SYT1: variants seen among roughly 807,000 people sequenced by gnomAD.
The protein encoded by SYT1 is synaptotagmin 1, also known as synaptotagmin-1.
A neutral mutation model predicts 44.8 loss-of-function variants in SYT1; 8 were observed. The ratio of observed to expected loss-of-function variants is 0.18; its 90% CI spans 0.10 to 0.32. The LOEUF (loss-of-function observed/expected upper bound fraction) is 0.32. SYT1 is among the 10% of genes least tolerant of loss of function. The pLI is 1.00. For missense variants in SYT1, 286 were observed against 509.3 expected (o/e 0.56, Z 4.22); for synonymous variants, 154 against 188.8 (o/e 0.82, Z 1.51).
chr12:79,271,532 A>G (rs1195515353), intron 4 of SYT1, among the ~76,000 whole-genome samples: 2 of 152,182 alleles, frequency 1.3e-5, no homozygotes, highest in Non-Finnish European at 2.9e-5. Flanking sequence ...CTGAGATTTT[A>G]ACACCTGGGA....
intron 8 of SYT1, among the ~76,000 whole-genome samples, chr12:79,311,503 C>T (rs1171757437): frequency 1.0e-4 from 15 of 143,362 alleles, no homozygotes; most frequent in Non-Finnish European, 1.2e-4. Flanking sequence ...TTTGACCCAG[C>T]CATCCCATTA....
At chr12:78,913,005 C>T (rs779758543) in intron 1 of SYT1, among the ~76,000 whole-genome samples, 6 of 151,698 alleles carry the variant, frequency 4.0e-5, no homozygotes, top group Non-Finnish European at 7.4e-5. Context: ...TTAATATATT[C>T]ACTTCTACTG....
intron 1 of SYT1, among the ~76,000 whole-genome samples, chr12:78,870,500 GA>G (rs1218672958): frequency 1.3e-5 from 2 of 152,048 alleles, no homozygotes; most frequent in Non-Finnish European, 2.9e-5. Context: ...TGAAATCAAA[GA>G]TAAAATGCAC....
chr12:79,190,024 G>A (rs2138445193), intron 3 of SYT1, among the ~76,000 whole-genome samples: 1 of 152,284 alleles, frequency 6.6e-6, no homozygotes, highest in Non-Finnish European at 1.5e-5. Flanking sequence ...TCACTGGACT[G>A]TATTTTGCCT....
intron 3 of SYT1, among the ~76,000 whole-genome samples, chr12:79,074,449 C>T (rs1242682278): frequency 6.6e-6 from 1 of 152,114 alleles, no homozygotes; most frequent in Non-Finnish European, 1.5e-5. Context: ...TGTGTAGCTT[C>T]CCACAACTAG....
chr12:79,380,881 C>A (rs1273744774), intron 9 of SYT1, among the ~76,000 whole-genome samples: 1 of 152,156 alleles, frequency 6.6e-6, no homozygotes, highest in African/African-American at 2.4e-5. Flanking sequence ...GCTATGGCAA[C>A]CCCATATGTA....
At chr12:79,012,789 GC>G (rs1361213578) in intron 2 of SYT1, among the ~76,000 whole-genome samples, 2 of 152,130 alleles carry the variant, frequency 1.3e-5, no homozygotes, top group Non-Finnish European at 2.9e-5. Flanking sequence ...TTTCCGGACT[GC>G]CACTGCTTTG....
intron 1 of SYT1, among the ~76,000 whole-genome samples, chr12:78,874,647 G>A (rs116952769): frequency 0.042 from 6,407 of 151,574 alleles, 221 homozygotes; most frequent in South Asian, 0.12. Flanking sequence ...GACTCAAAAT[G>A]CTTAAGCAAG....
At chr12:78,967,052 C>A (rs986002951) in intron 1 of SYT1, among the ~76,000 whole-genome samples, 2 of 152,134 alleles carry the variant, frequency 1.3e-5, no homozygotes, top group Non-Finnish European at 1.5e-5. Context: ...AGCATCACAT[C>A]TCAGTCAGCC....
intron 1 of SYT1, among the ~76,000 whole-genome samples, chr12:78,949,747 A>T (rs553637372): frequency 6.6e-6 from 1 of 152,120 alleles, no homozygotes; most frequent in East Asian, 1.9e-4. Flanking sequence ...CTTATTCAGC[A>T]TATTGAGAAA....
intron 3 of SYT1, among the ~76,000 whole-genome samples, chr12:79,159,017 A>G (rs1870781257): frequency 6.6e-6 from 1 of 152,196 alleles, no homozygotes; most frequent in Non-Finnish European, 1.5e-5. Context: ...TGAAGTCTGT[A>G]AAAAATGGCA....
At chr12:79,401,399 C>CAA (rs74276040) in intron 9 of SYT1, among the ~76,000 whole-genome samples, 13 of 150,616 alleles carry the variant, frequency 8.6e-5, no homozygotes, top group South Asian at 2.1e-4. Context: ...GTGTCAATTA[C>CAA]AAAAAAAAAG....
chr12:79,010,464 T>C (rs1351826357), intron 2 of SYT1, among the ~76,000 whole-genome samples: 2 of 152,146 alleles, frequency 1.3e-5, no homozygotes, highest in Non-Finnish European at 2.9e-5. Flanking sequence ...TATTTCCTAC[T>C]GCCTCCCTTG....
intron 8 of SYT1, among the ~76,000 whole-genome samples, chr12:79,353,190 G>T (rs1353195092): frequency 6.6e-6 from 1 of 152,068 alleles, no homozygotes; most frequent in African/African-American, 2.4e-5. Context: ...GTGCTATTCA[G>T]AGCACAAAGT....
intron 1 of SYT1, among the ~76,000 whole-genome samples, chr12:78,880,314 A>C (rs1171935071): frequency 6.6e-6 from 1 of 151,564 alleles, no homozygotes; most frequent in African/African-American, 2.4e-5. Context: ...TTACTTCTTC[A>C]AACCTTTTGT....
At chr12:78,872,465 A>G (rs1245388284) in intron 1 of SYT1, among the ~76,000 whole-genome samples, 1 of 151,778 alleles carries the variant, frequency 6.6e-6, no homozygotes, top group Admixed American at 6.6e-5. Flanking sequence ...ACCTGTATGC[A>G]TCGAAGCATA....
rs555621376 is a variant in SYT1 at position 78,873,530 on chromosome 12, G to C, written c.-217+8421G>C. On this transcript the variant is annotated intron_variant, in intron 1 of 10. Transcript: ENST00000261205. ...GGCCTTTAGTCATTGCTATATCACT[G>C]TGATGTTAGATAAGTCACCTTATTT... 2.9e-3 allele frequency among the ~76,000 whole-genome samples: 439 copies of C among 151,724 alleles called. 1 individual carries two copies. Among genetic ancestry groups the C allele is most frequent in the African/African-American group, 0.01 (422 of 41,486 alleles).
At chr12:79,252,325 TATCATC>T (rs528291466) in intron 4 of SYT1, among the ~76,000 whole-genome samples, 36 of 152,180 alleles carry the variant, frequency 2.4e-4, no homozygotes, top group African/African-American at 7.9e-4. Context: ...TAAGGATTAT[TATCATC>T]ATCATCATCA....
At chr12:79,396,846 T>C (rs1365480615) in intron 9 of SYT1, among the ~76,000 whole-genome samples, 1 of 152,090 alleles carries the variant, frequency 6.6e-6, no homozygotes, top group Non-Finnish European at 1.5e-5. Flanking sequence ...GAAGAGAGAG[T>C]TAAATAATAA....
Sources: allele counts gnomAD v4.1 joint callset (sites outside exome capture counted in the v4.1 genomes callset), GRCh38; gene constraint gnomAD v4.1.1; transcripts MANE v1.5; gene names NCBI Gene and HGNC (gene_info 2026-07-23, HGNC 2026-07-21).